The following TSC22D2 variants were observed in gnomAD, a reference collection of about 807,000 sequenced individuals.
TSC22D2 encodes TSC22 domain family protein 2.
TSC22D2 carries 5 observed loss-of-function variants against 50.1 expected under a neutral mutation model. The observed-to-expected ratio is 0.10, with a 90% CI of 0.05 to 0.21. The LOEUF is 0.21. Ranked by LOEUF, TSC22D2 falls within the 10% of genes least tolerant of loss-of-function variation. The probability of loss-of-function intolerance (pLI) is 1.00; values close to 1 mark genes in which losing one functional copy is unlikely to be tolerated. For synonymous variants in TSC22D2, 501 were observed against 450.1 expected (o/e 1.11, Z -1.43); for missense variants, 1,003 against 1,015.5 (o/e 0.99, Z 0.17).
At chr3:150,424,435 A>G (rs1356287610) in intron 1 of TSC22D2, among the ~76,000 whole-genome samples, 1 of 152,204 alleles carries the variant, frequency 6.6e-6, no homozygotes, top group East Asian at 1.9e-4. Flanking sequence ...TCAAATAGCT[A>G]ACTTTGAGCT....
At chr3:150,435,022 A>G (rs1298979554) in intron 1 of TSC22D2, among the ~76,000 whole-genome samples, 2 of 151,940 alleles carry the variant, frequency 1.3e-5, no homozygotes, top group African/African-American at 2.4e-5. Context: ...CTGTCACCCA[A>G]GCTGGAGTGC....
At chr3:150,426,474 G>T (rs556786872) in intron 1 of TSC22D2, among the ~76,000 whole-genome samples, 16 of 152,120 alleles carry the variant, frequency 1.1e-4, no homozygotes, top group Admixed American at 9.8e-4. Context: ...AAAGCTCAGC[G>T]TAAGGGTTTA....
Position 150,463,508 on chromosome 3 carries a change from A to G in TSC22D2, c.*4872A>G, listed in dbSNP as rs1721474309. On this transcript the variant is annotated 3_prime_UTR_variant, in exon 3 of 3. Transcript: ENST00000688009. ...ACTCCTTTTCAATATTTCAGGATAC[A>G]TCTTTGTCCTGTATTTCTGTACCAG... The G allele has an allele frequency of 6.6e-6, 1 of 152,212 alleles. No individual in the cohort carries two copies. The highest frequency in any genetic ancestry group is 1.5e-5 in the Non-Finnish European group (1 of 68,042). 9.4% of individuals were successfully genotyped at this position (152,212 alleles called of 1,614,324 possible). A position where few individuals can be genotyped will look rare whatever the true frequency, so the allele number is the denominator to read the frequency against.
intron 1 of TSC22D2, among the ~76,000 whole-genome samples, chr3:150,416,978 T>C (rs993249890): frequency 6.6e-6 from 1 of 152,264 alleles, no homozygotes; most frequent in Admixed American, 6.5e-5. Context: ...AGTGCTTCCA[T>C]CCTTTTAAGT....
chr3:150,448,375 G>C (rs1258014806), intron 1 of TSC22D2, among the ~76,000 whole-genome samples: 2 of 151,998 alleles, frequency 1.3e-5, no homozygotes, highest in African/African-American at 4.8e-5. Context: ...CTGCTTGGGT[G>C]ACTGCGACTG....
rs560861966 is a variant in TSC22D2, at chr3:150,438,884, A to G, written c.1959-18192A>G. Reference sequence around the variant, plus strand: ...CCTAAGATGCCAATATCATATGAAAATGATATATTAGAAGTCATTGCACAT... The same window carrying G: ...CCTAAGATGCCAATATCATATGAAAGTGATATATTAGAAGTCATTGCACAT... On this transcript the variant is annotated intron_variant, in intron 1 of 2. Transcript: ENST00000688009. Among the ~76,000 whole-genome samples, 88 of 152,278 alleles carry G rather than the reference A, an allele frequency of 5.8e-4. 2 individuals are homozygous for G. The highest frequency in any genetic ancestry group is 2.0e-3 in the African/African-American group (85 of 41,580).
intron 1 of TSC22D2, among the ~76,000 whole-genome samples, chr3:150,449,980 A>C (rs968411529): frequency 1.1e-4 from 16 of 144,308 alleles, no homozygotes; most frequent in Non-Finnish European, 1.9e-4. Flanking sequence ...TTTTAACTTT[A>C]AAAAAAAATT....
intron 1 of TSC22D2, among the ~76,000 whole-genome samples, chr3:150,413,148 T>C (rs1377332944): frequency 6.6e-6 from 1 of 152,232 alleles, no homozygotes; most frequent in Admixed American, 6.5e-5. Context: ...AGATGGAAAC[T>C]GAAATGTATT....
At chr3:150,432,116 TATGGCTAGCTGAAGTGGG>T (rs1720400471) in intron 1 of TSC22D2, among the ~76,000 whole-genome samples, 1 of 152,206 alleles carries the variant, frequency 6.6e-6, no homozygotes, top group Non-Finnish European at 1.5e-5. Context: ...TTAGCTTTTC[TATGGCTAGCTGAAGTGGG>T]ACACTAAACA....
Position 150,410,584 on chromosome 3 carries a change from C to A in TSC22D2, c.1234C>A (p.Pro412Thr), listed in dbSNP as rs775524123. The A allele has an allele frequency of 4.5e-6, 7 of 1,556,126 alleles. No homozygotes were observed. The East Asian group carries it at 7.2e-5, about 16-fold the overall frequency. Residue 412 changes from proline to threonine, a missense_variant, in exon 1 of 3, where the codon CCC becomes ACC. Coordinates refer to ENST00000688009, the MANE Select transcript of TSC22D2 (RefSeq NM_001303264.2). ...GAGCCCCGCCACGGCGGCCACCCTTCCCGTGGGCACCGGCCAGAATGCTTC... is the reference window on the plus strand; with the variant it reads ...GAGCCCCGCCACGGCGGCCACCCTTACCGTGGGCACCGGCCAGAATGCTTC... ...AASPATAATL[P>T]VGTGQNASSV...
chr3:150,413,411 G>A (rs1416937453), intron 1 of TSC22D2, among the ~76,000 whole-genome samples: 1 of 151,990 alleles, frequency 6.6e-6, no homozygotes. Context: ...GTTCATTTCT[G>A]ATTTTTGTTA....
intron 1 of TSC22D2, among the ~76,000 whole-genome samples, chr3:150,427,202 T>C (rs1181090680): frequency 6.6e-6 from 1 of 152,184 alleles, no homozygotes; most frequent in Non-Finnish European, 1.5e-5. Context: ...TAAAATTTTT[T>C]TATTGAAGTA....
At chr3:150,422,191 A>G (rs1381838965) in intron 1 of TSC22D2, among the ~76,000 whole-genome samples, 2 of 152,230 alleles carry the variant, frequency 1.3e-5, no homozygotes, top group African/African-American at 4.8e-5. Flanking sequence ...GTTATGTGGC[A>G]AAGTTTTTTT....
chr3:150,446,215 A>G (rs1720882612), intron 1 of TSC22D2, among the ~76,000 whole-genome samples: 1 of 152,076 alleles, frequency 6.6e-6, no homozygotes, highest in African/African-American at 2.4e-5. Flanking sequence ...AAACTGTCTT[A>G]CCCCTCAGAA....
chr3:150,455,656 C>G (rs1443589666), intron 1 of TSC22D2, among the ~76,000 whole-genome samples: 1 of 152,072 alleles, frequency 6.6e-6, no homozygotes, highest in Non-Finnish European at 1.5e-5. Context: ...AAGTGAATAG[C>G]AGGATATCAC....
chr3:150,412,872 A>G (rs1415212916), intron 1 of TSC22D2, among the ~76,000 whole-genome samples: 1 of 152,238 alleles, frequency 6.6e-6, no homozygotes, highest in Middle Eastern at 3.4e-3. Flanking sequence ...TCACTTTTCT[A>G]GCTGCCACAA....
intron 1 of TSC22D2, among the ~76,000 whole-genome samples, chr3:150,431,224 C>CAAAA (rs71138443): frequency 0.12 from 3,371 of 27,978 alleles, 724 homozygotes; most frequent in Non-Finnish European, 0.16. Flanking sequence ...GGCTCTGTCT[C>CAAAA]AAAAAAAAAA....
intron 1 of TSC22D2, among the ~76,000 whole-genome samples, chr3:150,448,944 A>G (rs1720962404): frequency 6.6e-6 from 1 of 151,804 alleles, no homozygotes; most frequent in Non-Finnish European, 1.5e-5. Context: ...GTAAGTTTAC[A>G]TGACTTTTTG....
chr3:150,409,131 G>A lies in TSC22D2; in HGVS notation c.-220G>A, dbSNP rs1027547425. Reference sequence around the variant, plus strand: ...AGGAGCCGCCGCGGGACTGAGACGGGGGCAGAGCCGAAGAGACCGACACAG... The same window carrying A: ...AGGAGCCGCCGCGGGACTGAGACGGAGGCAGAGCCGAAGAGACCGACACAG... On this transcript the variant is annotated 5_prime_UTR_variant, in exon 1 of 3. Transcript: ENST00000688009. The surrounding 1 kb of genome is among the most constrained non-coding windows in gnomAD (Gnocchi z 7.4). The A allele has an allele frequency of 2.2e-6, 1 of 458,364 alleles. No homozygotes were observed. Among genetic ancestry groups the A allele is most frequent in the Non-Finnish European group, 3.9e-6 (1 of 257,842 alleles). The allele number at this position is 458,364 out of a possible 1,614,324, so 28.4% of individuals were successfully genotyped here. A position where few individuals can be genotyped will look rare whatever the true frequency, so the allele number is the denominator to read the frequency against.
Sources: allele counts gnomAD v4.1 joint callset (sites outside exome capture counted in the v4.1 genomes callset), GRCh38; gene constraint gnomAD v4.1.1; non-coding constraint Gnocchi (gnomAD v3.1); transcripts MANE v1.5; gene names NCBI Gene and HGNC (gene_info 2026-07-23, HGNC 2026-07-21).